Variants in BANP observed in about 807,000 individuals in gnomAD.
The protein encoded by BANP is protein BANP.
BANP carries 11 observed loss-of-function variants against 68.1 expected under a neutral mutation model. The observed-to-expected ratio is 0.16, with a 90% confidence interval of 0.10 to 0.27. BANP has a LOEUF of 0.27. Among genes scored for constraint, BANP ranks in the 10% least tolerant of loss-of-function variants. BANP has a pLI of 1.00. For missense variants in BANP, 504 were observed against 722.7 expected, an observed-to-expected ratio of 0.70 and a Z score of 3.47; for synonymous variants, 329 against 303.2, an observed-to-expected ratio of 1.09 and a Z score of -0.88.
At chr16:87,991,882 G>GC (rs2065969185) in intron 4 of BANP, among the ~76,000 whole-genome samples, 1 of 151,902 alleles carries the variant, frequency 6.6e-6, no homozygotes, top group South Asian at 2.1e-4. Flanking sequence ...TAATGTGCTG[G>GC]CCATGATCTT....
In BANP at chr16:88,036,049, C is replaced by T. The variant is rs930683482; in HGVS notation, c.1272+655C>T. Among the ~76,000 whole-genome samples the T allele has an allele frequency of 6.6e-6, 1 of 152,244 alleles. No homozygotes were observed. The highest frequency in any genetic ancestry group is 1.9e-4 in the East Asian group (1 of 5,194). Reference sequence around the variant, plus strand: ...AAGCCGAGGCCAGCCTGTTGCGATGCTCCATGTTTGCATGCCAGAGCAGGA... The same window carrying T: ...AAGCCGAGGCCAGCCTGTTGCGATGTTCCATGTTTGCATGCCAGAGCAGGA... On this transcript the variant is annotated intron_variant, in intron 10 of 13. Transcript: ENST00000682872. The surrounding 1 kb of genome is among the most constrained non-coding windows in gnomAD (Gnocchi z 4.2).
intron 3 of BANP, among the ~76,000 whole-genome samples, chr16:87,982,375 T>C (rs2063444075): frequency 6.6e-6 from 1 of 151,922 alleles, no homozygotes; most frequent in Non-Finnish European, 1.5e-5. Flanking sequence ...GGCAGAATCA[T>C]TTGTAATTCA....
chr16:88,014,178 G>T (rs1477894456), intron 6 of BANP, among the ~76,000 whole-genome samples: 1 of 152,200 alleles, frequency 6.6e-6, no homozygotes, highest in African/African-American at 2.4e-5. Context: ...GGTTGTGGAG[G>T]GAGGGCTCAT....
intron 2 of BANP, among the ~76,000 whole-genome samples, chr16:87,975,862 T>A (rs2062013394): frequency 7.1e-6 from 1 of 140,300 alleles, no homozygotes. Flanking sequence ...TGTGGCGTCA[T>A]GGAACCTTAC....
chr16:88,069,002 A>AGCCCAGCCCCCTGTCCCTGC (rs1310033044), intron 12 of BANP, among the ~76,000 whole-genome samples: 5 of 147,860 alleles, frequency 3.4e-5, no homozygotes, highest in African/African-American at 1.2e-4. Context: ...CACCCAGCCC[A>AGCCCAGCCCCCTGTCCCTGC]GCCCAGCCCC....
chr16:88,052,238 C>G (rs1598893563), intron 11 of BANP, among the ~76,000 whole-genome samples: 1 of 152,306 alleles, frequency 6.6e-6, no homozygotes, highest in Non-Finnish European at 1.5e-5. Flanking sequence ...CCTGGCATAT[C>G]CACGTCATCC....
intron 1 of BANP, among the ~76,000 whole-genome samples, chr16:87,974,029 G>A (rs1432452626): frequency 1.3e-5 from 2 of 152,224 alleles, no homozygotes; most frequent in Admixed American, 1.3e-4. Context: ...GACTCTTCCT[G>A]ATGAAGGGCT....
chr16:88,063,098 C>T (rs548643695), intron 11 of BANP, among the ~76,000 whole-genome samples: 4 of 152,352 alleles, frequency 2.6e-5, no homozygotes, highest in Middle Eastern at 3.4e-3. Flanking sequence ...CATGGAGGTG[C>T]CCTCAGCCTG....
At position 88,076,881 on chromosome 16, in the gene BANP, T is replaced by G; in HGVS notation, c.*220T>G. On this transcript the variant is annotated 3_prime_UTR_variant, in exon 14 of 14. Coordinates refer to ENST00000682872, the MANE Select transcript of BANP (RefSeq NM_001386991.1). ...CCTTTCGTTTGAGTCCTGCTGTTGG[T>G]GTCGGAGCACGAGGGGAGGCACGGT... is the stretch of plus-strand genomic sequence containing the variant. 1.8e-6 allele frequency: 1 copy of G among 547,308 alleles called. No homozygotes were observed. The highest frequency in any genetic ancestry group is 3.6e-5 in the Admixed American group (1 of 27,846). 33.9% of individuals were successfully genotyped at this position (547,308 alleles called of 1,614,324 possible).
rs940126883 is a variant in BANP, at chr16:88,069,145, G to T, written c.1378-2924G>T. On this transcript the variant is annotated intron_variant, in intron 12 of 13. Coordinates refer to ENST00000682872, the MANE Select transcript of BANP (RefSeq NM_001386991.1). The stretch of plus-strand genomic sequence containing the variant: ...CAGGCTGGGTTCTGAATGGCGCGCT[G>T]TCGCTGCGGGACCTCGGGGCCTGTA... Among the ~76,000 whole-genome samples the T allele has an allele frequency of 2.0e-5, 3 of 152,208 alleles. No individual in the cohort carries two copies. The East Asian group carries it at 5.8e-4, about 29-fold the overall frequency.
intron 4 of BANP, among the ~76,000 whole-genome samples, chr16:87,994,363 T>C (rs1332187811): frequency 6.6e-6 from 1 of 152,250 alleles, no homozygotes; most frequent in African/African-American, 2.4e-5. Context: ...AGATCTCTGT[T>C]GGAGCACAAG....
chr16:88,068,884 C>T (rs989224341), intron 12 of BANP, among the ~76,000 whole-genome samples: 16 of 45,018 alleles, frequency 3.6e-4, no homozygotes, highest in African/African-American at 5.3e-4. Flanking sequence ...CCTCCCTGGG[C>T]GCTCTCGTCC....
intron 7 of BANP, among the ~76,000 whole-genome samples, chr16:88,025,527 G>A (rs2076823930): frequency 6.6e-6 from 1 of 152,178 alleles, no homozygotes; most frequent in Non-Finnish European, 1.5e-5. Flanking sequence ...AACCACTTTA[G>A]GGTGTTCTTC....
At chr16:87,983,451 G>A (rs1211689340) in intron 3 of BANP, among the ~76,000 whole-genome samples, 2 of 152,132 alleles carry the variant, frequency 1.3e-5, no homozygotes, top group African/African-American at 4.8e-5. Flanking sequence ...TTGGGGTCCG[G>A]CACGTGACTG....
chr16:87,958,544 C>A (rs1227676865), intron 1 of BANP, among the ~76,000 whole-genome samples: 1 of 151,974 alleles, frequency 6.6e-6, no homozygotes, highest in African/African-American at 2.4e-5. Context: ...TTTAAAAGGC[C>A]ATCCACTGGG....
intron 1 of BANP, chr16:87,970,169 AT>A (rs1272069123): frequency 1.3e-5 from 2 of 152,166 alleles, no homozygotes; most frequent in African/African-American, 4.8e-5. Context: ...GGGATGACAG[AT>A]GTGAGTTTCC....
chr16:87,960,889 A>G (rs1165299073), intron 1 of BANP, among the ~76,000 whole-genome samples: 2 of 152,252 alleles, frequency 1.3e-5, no homozygotes, highest in Admixed American at 6.5e-5. Flanking sequence ...TGCCAGTGAT[A>G]AAGTTTGAGC....
intron 1 of BANP, chr16:87,970,309 T>G (rs969539075): frequency 2.0e-5 from 3 of 152,246 alleles, no homozygotes; most frequent in African/African-American, 7.2e-5. Flanking sequence ...AGCATTTTTG[T>G]TTGTTCGGTA....
At chr16:88,047,635 C>A (rs2082324701) in intron 11 of BANP, among the ~76,000 whole-genome samples, 1 of 152,200 alleles carries the variant, frequency 6.6e-6, no homozygotes, top group Non-Finnish European at 1.5e-5. Context: ...CGCCGGGCCT[C>A]ACTGGAGTCT....
Sources: gnomAD v4.1 joint callset for allele counts (sites outside exome capture counted in the v4.1 genomes callset) on GRCh38, gnomAD v4.1.1 for gene constraint, Gnocchi (gnomAD v3.1) non-coding constraint, MANE v1.5 for transcripts, NCBI Gene and HGNC (gene_info 2026-07-23, HGNC 2026-07-21) for gene names.